The following MGAM variants were observed in gnomAD, a reference collection of about 807,000 sequenced individuals.
The protein encoded by MGAM is maltase-glucoamylase.
Under a neutral mutation model 358.8 loss-of-function variants are expected in MGAM, and 253 were observed. The observed-to-expected ratio is 0.71, with a 90% confidence interval of 0.64 to 0.78. MGAM has a LOEUF of 0.78. Ranked by LOEUF, MGAM falls within the 30% of genes least tolerant of loss-of-function variation. The pLI is 0.00. For synonymous variants in MGAM, 1,105 were observed against 1,227.1 expected (o/e 0.90, Z 2.08); for missense variants, 3,080 against 3,432.6 (o/e 0.90, Z 2.57).
chr7:142,067,933 C>CAAATATATATATATATATATATATATAT (rs1812905541), intron 42 of MGAM, among the ~76,000 whole-genome samples: 1 of 61,484 alleles, frequency 1.6e-5, no homozygotes, highest in Non-Finnish European at 3.4e-5. Flanking sequence ...GTACCTCCCT[C>CAAATATATATATATATATATATATATAT]AAATATATAT....
At chr7:142,097,795 G>C in intron 66 of MGAM, 146 bp downstream of exon 66, 1 of 774,168 alleles carries the variant, frequency 1.3e-6, no homozygotes, top group Non-Finnish European at 2.1e-6. Context: ...TTGTAACCTC[G>C]GTTTTCTCAC....
rs1164378139 is a variant in MGAM at position 142,062,677 on chromosome 7, G to C, written c.4232G>C (p.Ser1411Thr). ...AACAATCCACAGAATCCAGAGAGGAGCTTGAAGTTTGATGGCATGTGGATT... is the reference window on the plus strand; with the variant it reads ...AACAATCCACAGAATCCAGAGAGGACCTTGAAGTTTGATGGCATGTGGATT... Reference protein sequence around the residue: ...LYNNPQNPERSLKFDGMWIDM... With the variant: ...LYNNPQNPERTLKFDGMWIDM... Residue 1411 changes from serine (S) to threonine (T), a missense_variant, in exon 35 of 71, where the codon AGC (serine) becomes ACC (threonine). By Grantham distance (58) the Ser-to-Thr change is moderately conservative. Coordinates refer to ENST00000475668, the MANE Select transcript of MGAM (RefSeq NM_001365693.1). 1.2e-6 allele frequency: 2 copies of C among 1,610,554 alleles called. No individual in the cohort carries two copies. The highest frequency in any genetic ancestry group is 2.7e-5 in the African/African-American group (2 of 74,742).
Position 142,030,479 on chromosome 7 carries a change from C to A in MGAM, c.1339C>A (p.Leu447Ile). 2 of 1,613,636 alleles carry A rather than the reference C, an allele frequency of 1.2e-6. No individual in the cohort carries two copies. The highest frequency in any genetic ancestry group is 1.1e-5 in the South Asian group (1 of 91,072). Residue 447 changes from leucine to isoleucine, a missense_variant, in exon 11 of 71, where the codon CTT becomes ATT. Leu to Ile is a conservative substitution (Grantham distance 5). Transcript: ENST00000475668. ...VNELHNNGQKLVIIVDPAISN... is the reference protein window; with the variant it reads ...VNELHNNGQKIVIIVDPAISN... ...CGAGTTACACAATAATGGACAGAAGCTTGTCATCATTGTGGTATGTACTGC... is the reference window on the plus strand; with the variant it reads ...CGAGTTACACAATAATGGACAGAAGATTGTCATCATTGTGGTATGTACTGC...
intron 70 of MGAM, 23 bp from the exon 71 acceptor site, chr7:142,105,791 T>TA (rs778057681): frequency 1.9e-6 from 3 of 1,596,162 alleles, no homozygotes; most frequent in Non-Finnish European, 2.6e-6. Flanking sequence ...GATGCCCAAT[T>TA]CTTTTCCTTT....
intron 21 of MGAM, among the ~76,000 whole-genome samples, chr7:142,042,823 TATA>T (rs369554598): frequency 0.036 from 1,851 of 52,138 alleles, 89 homozygotes; most frequent in Middle Eastern, 0.12. Flanking sequence ...AATATCTAAA[TATA>T]ATATCTATAT....
intron 35 of MGAM, 69 bp downstream of exon 35, chr7:142,062,771 A>G (rs1812342881): frequency 6.3e-7 from 1 of 1,587,088 alleles, no homozygotes; most frequent in African/African-American, 1.4e-5. Flanking sequence ...TATATGTACC[A>G]CTGACCTTCA....
At chr7:142,069,010 G>C (rs1328493015) in intron 43 of MGAM, among the ~76,000 whole-genome samples, 1 of 146,440 alleles carries the variant, frequency 6.8e-6, no homozygotes, top group Admixed American at 6.9e-5. Flanking sequence ...GTTGTGTAAA[G>C]GCAGATGCTA....
chr7:142,020,644 C>T (rs114998713), intron 4 of MGAM, among the ~76,000 whole-genome samples: 4,272 of 144,852 alleles, frequency 0.029, 150 homozygotes, highest in East Asian at 0.1. Context: ...CTCTGTCATG[C>T]AGGCTGGAGC....
rs114187534 is a variant in MGAM, at chr7:142,015,356, A to G, written c.328-3843A>G. On this transcript the variant is annotated intron_variant, in intron 3 of 70. Transcript: ENST00000475668. ...TCTATTTTATACTGTCTTGATGAAC[A>G]AAAGTTTTACATTTTAATAGAGTCA... Among the ~76,000 whole-genome samples the G allele has an allele frequency of 8.5e-3, 1,299 of 152,262 alleles. 22 individuals carry two copies. Among genetic ancestry groups the G allele is most frequent in the African/African-American group, 0.029 (1,225 of 41,580 alleles).
At chr7:142,002,747 G>A (rs1181268546) in intron 1 of MGAM, among the ~76,000 whole-genome samples, 4 of 151,948 alleles carry the variant, frequency 2.6e-5, no homozygotes, top group African/African-American at 9.7e-5. Flanking sequence ...TCAGGCAATA[G>A]AAGAAAATAA....
At chr7:142,008,029 T>C (rs1805301332) in intron 2 of MGAM, among the ~76,000 whole-genome samples, 1 of 152,218 alleles carries the variant, frequency 6.6e-6, no homozygotes, top group Non-Finnish European at 1.5e-5. Flanking sequence ...TTGTGGGCCA[T>C]ACAGACTCTG....
At chr7:142,060,734 G>T (rs1310154652) in intron 34 of MGAM, among the ~76,000 whole-genome samples, 1 of 152,216 alleles carries the variant, frequency 6.6e-6, no homozygotes. Flanking sequence ...CTCTGAACTG[G>T]CATACTTACT....
At chr7:142,092,432 G>A (rs1232303426) in intron 58 of MGAM, 89 bp from the exon 59 acceptor site, 1 of 1,274,390 alleles carries the variant, frequency 7.8e-7, no homozygotes, top group African/African-American at 1.4e-5. Flanking sequence ...ACTGGATGTT[G>A]AACAATGTAT....
intron 63 of MGAM, 123 bp downstream of exon 63, chr7:142,094,986 A>G: frequency 3.0e-6 from 3 of 1,003,282 alleles, no homozygotes; most frequent in Non-Finnish European, 1.4e-6. Flanking sequence ...TTCTTTTGAG[A>G]CAAAGACTCA....
At chr7:142,090,830 A>G (rs1164514475) in intron 57 of MGAM, among the ~76,000 whole-genome samples, 2 of 146,716 alleles carry the variant, frequency 1.4e-5, no homozygotes, top group African/African-American at 4.9e-5. Context: ...GTGTGAACCC[A>G]CCATTAAACA....
rs749610025 is a variant in MGAM at position 142,092,074 on chromosome 7, C to A, written c.6945+27C>A. 37 of 1,542,668 alleles carry A rather than the reference C, an allele frequency of 2.4e-5. 8 individuals are homozygous for A. Among genetic ancestry groups the A allele is most frequent in the East Asian group, 1.4e-4 (6 of 43,818 alleles). On this transcript the variant is annotated intron_variant, in intron 58 of 70. Transcript: ENST00000475668. ...TAAGTGTGTGTGTGTCTCTGTGTAC[C>A]AGTGACACTTGTCTATCTTTGTGTG...
chr7:141,992,213 T>C (rs782168704), upstream of MGAM, among the ~76,000 whole-genome samples: 3 of 152,212 alleles, frequency 2.0e-5, no homozygotes, highest in Non-Finnish European at 4.4e-5. Flanking sequence ...TTATTTTGTC[T>C]AGTTTATAAA....
Position 142,092,570 on chromosome 7 carries a change from G to T in MGAM, c.6995G>T (p.Cys2332Phe), listed in dbSNP as rs1339735263. ...SFVNGAVSPG[C>F]RDASLNHPPY... ...GTGAATGGGGCAGTTTCTCCAGGCT[G>T]CAGGGATGCCTCTCTGAACCACCCT... The change falls in exon 59 of 71, where the codon TGC becomes TTC. Residue 2332 changes from cysteine (C) to phenylalanine (F), a missense_variant. Around this residue, in one of 5 missense-constraint regions of MGAM, gnomAD observed 932 missense variants for 1,198.2 expected, o/e 0.78. Coordinates refer to ENST00000475668, the MANE Select transcript of MGAM (RefSeq NM_001365693.1). 2 of 1,548,446 alleles carry T rather than the reference G, an allele frequency of 1.3e-6. No individual in the cohort carries two copies. Among genetic ancestry groups the T allele is most frequent in the Non-Finnish European group, 1.8e-6 (2 of 1,128,630 alleles).
intron 2 of MGAM, among the ~76,000 whole-genome samples, chr7:141,990,853 C>G (rs1288563641): frequency 1.3e-5 from 2 of 152,170 alleles, no homozygotes; most frequent in African/African-American, 4.8e-5. Flanking sequence ...TTTTCGCCTT[C>G]CCTTCCCACT....
Sources: allele counts gnomAD v4.1 joint callset (sites outside exome capture counted in the v4.1 genomes callset), GRCh38; gene constraint gnomAD v4.1.1; regional missense constraint gnomAD v4.1.1; transcripts MANE v1.5; gene names NCBI Gene and HGNC (gene_info 2026-07-23, HGNC 2026-07-21).